Variants in MAGI2 observed in about 807,000 individuals in gnomAD.
MAGI2 encodes the protein membrane associated guanylate kinase, WW and PDZ domain containing 2.
A neutral mutation model predicts 133.3 loss-of-function variants in MAGI2; 35 were observed. That is an observed-to-expected ratio of 0.26 (90% confidence interval 0.20 to 0.35). The LOEUF (loss-of-function observed/expected upper bound fraction) is 0.35. Ranked by LOEUF, MAGI2 falls within the 10% of genes least tolerant of loss-of-function variation. The pLI is 1.00. For missense variants in MAGI2, 1,636 were observed against 1,863.4 expected (o/e 0.88, Z 2.25); for synonymous variants, 729 against 710.6 (o/e 1.03, Z -0.41).
At chr7:78,885,628 A>AGTGTGTGTGTGTGTGTGTGTGTGTGT (rs61111430) in intron 2 of MAGI2, among the ~76,000 whole-genome samples, 3 of 148,968 alleles carry the variant, frequency 2.0e-5, no homozygotes, top group African/African-American at 7.4e-5. Flanking sequence ...TGAAAGGAAT[A>AGTGTGTGTGTGTGTGTGTGTGTGTGT]GTGTGTGTGT....
intron 1 of MAGI2, among the ~76,000 whole-genome samples, chr7:79,229,256 C>T (rs1831144499): frequency 6.6e-6 from 1 of 152,050 alleles, no homozygotes; most frequent in Non-Finnish European, 1.5e-5. Context: ...TCTCACATAT[C>T]TTTGAAGTTC....
intron 3 of MAGI2, among the ~76,000 whole-genome samples, chr7:78,549,389 C>A (rs974726635): frequency 5.3e-5 from 8 of 151,710 alleles, no homozygotes; most frequent in Non-Finnish European, 1.2e-4. Flanking sequence ...CACCTTTGTT[C>A]ATTCATCTGC....
At chr7:78,412,923 G>A (rs1359872057) in intron 6 of MAGI2, among the ~76,000 whole-genome samples, 5 of 151,962 alleles carry the variant, frequency 3.3e-5, no homozygotes, top group African/African-American at 1.2e-4. Context: ...GAATGCTTCC[G>A]AAAGGTGGCT....
chr7:78,272,238 T>C (rs1794651987), intron 9 of MAGI2, among the ~76,000 whole-genome samples: 1 of 152,234 alleles, frequency 6.6e-6, no homozygotes, highest in Admixed American at 6.5e-5. Context: ...TCATTTTCCA[T>C]GTAGTTGTGT....
intron 2 of MAGI2, among the ~76,000 whole-genome samples, chr7:78,910,001 T>C (rs1049504499): frequency 9.9e-5 from 15 of 152,136 alleles, no homozygotes; most frequent in Non-Finnish European, 2.9e-5. Context: ...TGGATGAAGC[T>C]GGAATCCAAC....
chr7:78,108,065 G>A (rs1289548513), intron 20 of MAGI2, among the ~76,000 whole-genome samples: 1 of 151,728 alleles, frequency 6.6e-6, no homozygotes, highest in Non-Finnish European at 1.5e-5. Context: ...TGCTTTGTAA[G>A]GTTGTTTATT....
chr7:78,637,349 A>G (rs1421924948), intron 2 of MAGI2, among the ~76,000 whole-genome samples: 1 of 152,184 alleles, frequency 6.6e-6, no homozygotes, highest in East Asian at 1.9e-4. Context: ...TTTTGGCTCT[A>G]TCTATGCAAC....
intron 6 of MAGI2, among the ~76,000 whole-genome samples, chr7:78,421,157 T>A (rs997027142): frequency 6.6e-6 from 1 of 152,144 alleles, no homozygotes; most frequent in Non-Finnish European, 1.5e-5. Flanking sequence ...GGGATTCCCA[T>A]CTGTAAGAAG....
chr7:78,306,177 T>C (rs1365076669), intron 9 of MAGI2, among the ~76,000 whole-genome samples: 1 of 152,202 alleles, frequency 6.6e-6, no homozygotes. Flanking sequence ...TTCTTCTTAG[T>C]TAATTGAAAG....
At chr7:78,397,366 T>TACACACACACAC (rs71085528) in intron 6 of MAGI2, among the ~76,000 whole-genome samples, 234 of 147,814 alleles carry the variant, frequency 1.6e-3, no homozygotes, top group Middle Eastern at 6.9e-3. Context: ...TTGAAATTCC[T>TACACACACACAC]ACACACACAC....
intron 2 of MAGI2, among the ~76,000 whole-genome samples, chr7:78,933,421 T>C (rs1800288133): frequency 6.6e-6 from 1 of 152,154 alleles, no homozygotes; most frequent in African/African-American, 2.4e-5. Context: ...CTGTTGCTAA[T>C]GCTTAGAACA....
chr7:78,437,593 A>G (rs1787170933), intron 6 of MAGI2, among the ~76,000 whole-genome samples: 1 of 152,164 alleles, frequency 6.6e-6, no homozygotes, highest in Non-Finnish European at 1.5e-5. Context: ...AGTCAAGGGT[A>G]TATGAAGAGG....
chr7:79,096,106 G>GC (rs1562884718), intron 1 of MAGI2, among the ~76,000 whole-genome samples: 1 of 152,132 alleles, frequency 6.6e-6, no homozygotes, highest in Non-Finnish European at 1.5e-5. Flanking sequence ...CCTGCACTGT[G>GC]CTGTAGGAGC....
rs188812812 is a variant in MAGI2 at position 79,447,249 on chromosome 7, A to T, written c.301+5771T>A. 1.1e-4 allele frequency among the ~76,000 whole-genome samples: 17 copies of T among 152,266 alleles called. No individual in the cohort carries two copies. In the East Asian group the frequency reaches 3.1e-3, roughly 28 times the overall value. On this transcript the variant is annotated intron_variant, in intron 1 of 21. Coordinates refer to ENST00000354212, the MANE Select transcript of MAGI2 (RefSeq NM_012301.4). ...GTATGTCCCTATGCAAGTCTTTAAC[A>T]ATGTAAATTCAGCAATTATTATATT...
chr7:78,876,292 A>T (rs1351494393), intron 2 of MAGI2, among the ~76,000 whole-genome samples: 1 of 127,756 alleles, frequency 7.8e-6, no homozygotes, highest in Non-Finnish European at 1.6e-5. Flanking sequence ...ACTGCACTCC[A>T]GCCCGGGTGA....
intron 14 of MAGI2, among the ~76,000 whole-genome samples, chr7:78,172,432 C>G (rs1826206872): frequency 6.6e-6 from 1 of 152,218 alleles, no homozygotes; most frequent in Non-Finnish European, 1.5e-5. Flanking sequence ...GGCTTTTCTC[C>G]CATGCAGTGT....
chr7:78,194,968 C>G lies in MAGI2; in HGVS notation c.2175G>C (p.Arg725Ser). Residue 725 changes from arginine (R) to serine (S), a missense_variant, in exon 12 of 22, where the codon AGG (arginine) becomes AGC (serine). Transcript: ENST00000354212. ...QNLPFPPALH[R>S]SSFPDSTEAF... is the part of the protein sequence containing the mutation. ...CCTCTGTTGAGTCAGGAAAGGAGCT[C>G]CTGTGAAGGGCAGGTGGGAAGGGCA... The G allele has an allele frequency of 6.2e-7, 1 of 1,614,078 alleles. No homozygotes were observed. Among genetic ancestry groups the G allele is most frequent in the Non-Finnish European group, 8.5e-7 (1 of 1,179,998 alleles).
chr7:78,195,577 C>T (rs976256320), intron 11 of MAGI2, among the ~76,000 whole-genome samples: 35 of 152,308 alleles, frequency 2.3e-4, no homozygotes, highest in African/African-American at 6.0e-4. Flanking sequence ...TCAGTTTAGA[C>T]GTAATTATGC....
At position 78,185,621 on chromosome 7, in the gene MAGI2, A is replaced by G; in HGVS notation, c.2311+8T>C. ...TTCACAGAACTGTGAGTACTGAACA[A>G]TACTTGCCAGAGGAATCCATTCGAA... On this transcript the variant is annotated splice_region_variant and intron_variant, in intron 13 of 21. Coordinates refer to ENST00000354212, the MANE Select transcript of MAGI2 (RefSeq NM_012301.4). 1.3e-6 allele frequency: 2 copies of G among 1,589,328 alleles called. No individual in the cohort carries two copies. The highest frequency in any genetic ancestry group is 1.7e-6 in the Non-Finnish European group (2 of 1,162,890).
Sources: allele counts gnomAD v4.1 joint callset (sites outside exome capture counted in the v4.1 genomes callset), GRCh38; gene constraint gnomAD v4.1.1; transcripts MANE v1.5; gene names NCBI Gene and HGNC (gene_info 2026-07-23, HGNC 2026-07-21).